The following ZFHX3 variants were observed in gnomAD, a reference collection of about 807,000 sequenced individuals.
The protein encoded by ZFHX3 is zinc finger homeobox protein 3.
Under a neutral mutation model 279.1 loss-of-function variants are expected in ZFHX3, and 42 were observed. The observed-to-expected ratio is 0.15, with a 90% CI of 0.12 to 0.19. The LOEUF (loss-of-function observed/expected upper bound fraction) is 0.19, where lower values mean the gene tolerates loss of function less well. Ranked by LOEUF, ZFHX3 falls within the 10% of genes least tolerant of loss-of-function variation. The pLI, the probability that ZFHX3 is intolerant of heterozygous loss-of-function variation, is 1.00. For missense variants in ZFHX3, 4,981 were observed against 4,754.0 expected (o/e 1.05, Z -1.40); for synonymous variants, 2,293 against 1,957.8 (o/e 1.17, Z -4.52).
At chr16:73,061,524 C>T (rs1409109300), upstream of ZFHX3, 1 of 94,534 alleles carries the variant, frequency 1.1e-5, no homozygotes, top group African/African-American at 3.3e-5. Context: ...TTAAATTTTT[C>T]AATGGCAACA....
intron 2 of ZFHX3, among the ~76,000 whole-genome samples, chr16:73,592,744 T>G (rs1384732290): frequency 6.6e-6 from 1 of 151,906 alleles, no homozygotes. Flanking sequence ...TAAAAAGGTT[T>G]TTTTAAATAG....
intron 1 of ZFHX3, among the ~76,000 whole-genome samples, chr16:73,857,886 C>A (rs754993881): frequency 6.6e-6 from 1 of 152,004 alleles, no homozygotes; most frequent in Non-Finnish European, 1.5e-5. Context: ...GTGGATGGAT[C>A]GCTTGAGGTC....
intron 5 of ZFHX3, among the ~76,000 whole-genome samples, chr16:73,192,182 A>C (rs949877874): frequency 6.6e-6 from 1 of 152,144 alleles, no homozygotes; most frequent in African/African-American, 2.4e-5. Context: ...CCCTGGGATC[A>C]GATGTCCACT....
intron 2 of ZFHX3, among the ~76,000 whole-genome samples, chr16:73,460,206 G>C (rs1430566805): frequency 4.8e-5 from 7 of 145,766 alleles, no homozygotes; most frequent in African/African-American, 1.5e-4. Flanking sequence ...TATATAAATG[G>C]AATATTACAG....
At chr16:73,454,651 T>C (rs958534474) in intron 3 of ZFHX3, among the ~76,000 whole-genome samples, 2 of 151,692 alleles carry the variant, frequency 1.3e-5, no homozygotes, top group African/African-American at 4.8e-5. Flanking sequence ...ATTCTAAGTC[T>C]TCACAATTAC....
At chr16:73,715,608 T>C (rs1301385785) in intron 1 of ZFHX3, among the ~76,000 whole-genome samples, 1 of 145,262 alleles carries the variant, frequency 6.9e-6, no homozygotes, top group Non-Finnish European at 1.5e-5. Flanking sequence ...AGTCTCGCTA[T>C]GTTGCCCAGG....
At chr16:72,969,672 CAAGAG>C (rs1458556277) in intron 1 of ZFHX3, among the ~76,000 whole-genome samples, 1 of 152,178 alleles carries the variant, frequency 6.6e-6, no homozygotes, top group African/African-American at 2.4e-5. Context: ...ACCCAGATTC[CAAGAG>C]AAGGTGAAAC....
intron 1 of ZFHX3, among the ~76,000 whole-genome samples, chr16:73,038,570 G>A (rs1964995967): frequency 6.6e-6 from 1 of 152,176 alleles, no homozygotes; most frequent in South Asian, 2.1e-4. Flanking sequence ...ACATCATGGT[G>A]AAATCGTGGG....
chr16:73,026,992 T>C (rs995962737), intron 1 of ZFHX3, among the ~76,000 whole-genome samples: 3 of 152,224 alleles, frequency 2.0e-5, no homozygotes, highest in Non-Finnish European at 1.5e-5. Flanking sequence ...GCATTCTCAC[T>C]GCAACTACTC....
intron 4 of ZFHX3, among the ~76,000 whole-genome samples, chr16:73,273,067 A>G (rs947337005): frequency 6.6e-6 from 1 of 152,072 alleles, no homozygotes; most frequent in Admixed American, 6.6e-5. Flanking sequence ...TTTGGCCCTT[A>G]AAGAAAAATA....
At chr16:73,254,404 G>T (rs2013602502) in intron 5 of ZFHX3, among the ~76,000 whole-genome samples, 1 of 151,666 alleles carries the variant, frequency 6.6e-6, no homozygotes, top group Non-Finnish European at 1.5e-5. Context: ...TGGAGGTTCT[G>T]AACTGACACA....
intron 1 of ZFHX3, among the ~76,000 whole-genome samples, chr16:73,833,553 A>G (rs1961056950): frequency 6.6e-6 from 1 of 151,882 alleles, no homozygotes; most frequent in Non-Finnish European, 1.5e-5. Flanking sequence ...GAGTTGAACA[A>G]TGAGAACACA....
intron 4 of ZFHX3, among the ~76,000 whole-genome samples, chr16:73,313,813 A>G (rs894501615): frequency 6.6e-6 from 1 of 152,184 alleles, no homozygotes; most frequent in Non-Finnish European, 1.5e-5. Flanking sequence ...TAACATGTAA[A>G]TTGGTAAACT....
At position 72,986,956 on chromosome 16, in the gene ZFHX3, G is replaced by A. The variant is rs114215457; in HGVS notation, c.-49-26762C>T. 5.6e-3 allele frequency among the ~76,000 whole-genome samples: 850 copies of A among 152,130 alleles called. 6 individuals are homozygous for A. Among genetic ancestry groups the A allele is most frequent in the African/African-American group, 0.019 (804 of 41,488 alleles). On this transcript the variant is annotated intron_variant, in intron 1 of 9. Transcript: ENST00000268489. ...AGCCCAGGAGTTTGAGATCAGCCTGGGTAACACGACGAAAACAAAACCCCA... is the reference window on the plus strand; with the variant it reads ...AGCCCAGGAGTTTGAGATCAGCCTGAGTAACACGACGAAAACAAAACCCCA...
chr16:73,728,824 C>A (rs1016972600), intron 1 of ZFHX3, among the ~76,000 whole-genome samples: 1 of 151,164 alleles, frequency 6.6e-6, no homozygotes, highest in Non-Finnish European at 1.5e-5. Flanking sequence ...CACACACACA[C>A]ACACACACAC....
intron 5 of ZFHX3, among the ~76,000 whole-genome samples, chr16:72,823,921 C>G (rs1202499381): frequency 6.6e-6 from 1 of 152,148 alleles, no homozygotes; most frequent in Non-Finnish European, 1.5e-5. Flanking sequence ...CACATACCTT[C>G]TTTTGTCCTT....
At chr16:72,801,672 C>T (rs2036105498) in intron 7 of ZFHX3, among the ~76,000 whole-genome samples, 1 of 152,126 alleles carries the variant, frequency 6.6e-6, no homozygotes, top group Admixed American at 6.5e-5. Context: ...GCATTCTTGC[C>T]CCCACAGACA....
intron 4 of ZFHX3, among the ~76,000 whole-genome samples, chr16:73,292,372 C>A (rs192129557): frequency 1.1e-4 from 17 of 152,182 alleles, no homozygotes; most frequent in African/African-American, 3.9e-4. Context: ...TTCTGACATT[C>A]CCTACTCCAG....
chr16:73,783,794 G>C (rs1367527785), intron 1 of ZFHX3, among the ~76,000 whole-genome samples: 2 of 152,182 alleles, frequency 1.3e-5, no homozygotes, highest in Non-Finnish European at 2.9e-5. Flanking sequence ...TTCCAGATGA[G>C]AAAACTAAAG....
Sources: allele counts gnomAD v4.1 joint callset (sites outside exome capture counted in the v4.1 genomes callset), GRCh38; gene constraint gnomAD v4.1.1; transcripts MANE v1.5; gene names NCBI Gene and HGNC (gene_info 2026-07-23, HGNC 2026-07-21).